RIMS4: variants seen among roughly 807,000 people sequenced by gnomAD.
The protein encoded by RIMS4 is regulating synaptic membrane exocytosis 4.
In RIMS4, 9 loss-of-function variants were observed where a neutral mutation model predicts 29.0. The ratio of observed to expected loss-of-function variants is 0.31; its 90% CI spans 0.19 to 0.54. The LOEUF (loss-of-function observed/expected upper bound fraction) is 0.54, where lower values mean the gene tolerates loss of function less well. Among genes scored for constraint, RIMS4 ranks in the 20% least tolerant of loss-of-function variants. The probability of loss-of-function intolerance (pLI) is 0.94; values close to 1 mark genes in which losing one functional copy is unlikely to be tolerated. For synonymous variants in RIMS4, 130 were observed against 152.9 expected (o/e 0.85, Z 1.10); for missense variants, 193 against 365.7 (o/e 0.53, Z 3.85).
At chr20:44,794,953 C>T (rs919764903) in intron 1 of RIMS4, among the ~76,000 whole-genome samples, 1 of 152,170 alleles carries the variant, frequency 6.6e-6, no homozygotes, top group African/African-American at 2.4e-5. Flanking sequence ...CACATCCCTG[C>T]TAAAAACCCA....
At chr20:44,789,445 C>T (rs754082677) in intron 1 of RIMS4, among the ~76,000 whole-genome samples, 5 of 152,272 alleles carry the variant, frequency 3.3e-5, no homozygotes, top group East Asian at 3.9e-4. Context: ...GGCAGGCACC[C>T]GCCACCACAC....
At chr20:44,794,286 C>T (rs1055229950) in intron 1 of RIMS4, among the ~76,000 whole-genome samples, 1 of 152,126 alleles carries the variant, frequency 6.6e-6, no homozygotes, top group African/African-American at 2.4e-5. Context: ...CTTTCTTCCC[C>T]AGCAAGGCTC....
intron 2 of RIMS4, among the ~76,000 whole-genome samples, chr20:44,770,483 G>A (rs925126049): frequency 4.6e-5 from 7 of 152,162 alleles, no homozygotes; most frequent in Admixed American, 1.3e-4. Context: ...GGGGGAAACT[G>A]GGCCCAATGC....
At chr20:44,796,527 C>T (rs1313400880) in intron 1 of RIMS4, among the ~76,000 whole-genome samples, 1 of 152,166 alleles carries the variant, frequency 6.6e-6, no homozygotes, top group Admixed American at 6.5e-5. Context: ...TCACACAGTC[C>T]CTGCCCTGCA....
intron 1 of RIMS4, among the ~76,000 whole-genome samples, chr20:44,774,020 A>AT (rs984803866): frequency 2.6e-5 from 4 of 151,936 alleles, no homozygotes; most frequent in African/African-American, 9.7e-5. Flanking sequence ...TTGTAGACTC[A>AT]TTTTTTTCCC....
intron 1 of RIMS4, 84 bp downstream of exon 1, chr20:44,810,091 G>GGA: frequency 1.4e-6 from 1 of 705,546 alleles, no homozygotes; most frequent in Non-Finnish European, 2.3e-6. Flanking sequence ...GGGGTGGGGA[G>GGA]GAGGGCGCAC....
chr20:44,791,611 G>A (rs1282532943), intron 1 of RIMS4, among the ~76,000 whole-genome samples: 2 of 152,162 alleles, frequency 1.3e-5, no homozygotes, highest in Non-Finnish European at 2.9e-5. Context: ...CACAAATGGC[G>A]ACTCTCCCAC....
At chr20:44,757,141 G>T in intron 4 of RIMS4, 104 bp from the exon 5 acceptor site, 1 of 1,305,878 alleles carries the variant, frequency 7.7e-7, no homozygotes, top group Non-Finnish European at 1.1e-6. Flanking sequence ...AGATAGGTGT[G>T]CCCCCATGGG....
At chr20:44,759,447 C>T (rs2066074918) in intron 2 of RIMS4, among the ~76,000 whole-genome samples, 1 of 152,034 alleles carries the variant, frequency 6.6e-6, no homozygotes, top group Admixed American at 6.6e-5. Context: ...TTAGTAGAGA[C>T]AGAGTTTCAT....
At chr20:44,783,692 C>A (rs576485985) in intron 1 of RIMS4, among the ~76,000 whole-genome samples, 1 of 151,720 alleles carries the variant, frequency 6.6e-6, no homozygotes, top group South Asian at 2.1e-4. Context: ...CATATATGAA[C>A]CTTGACATTA....
intron 2 of RIMS4, among the ~76,000 whole-genome samples, chr20:44,761,752 G>A (rs146860754): frequency 1.3e-5 from 2 of 152,380 alleles, no homozygotes; most frequent in East Asian, 3.8e-4. Context: ...TGCTCTGGAA[G>A]AAGCCAAACC....
chr20:44,767,213 C>T (rs764227203), intron 2 of RIMS4, among the ~76,000 whole-genome samples: 2 of 152,192 alleles, frequency 1.3e-5, no homozygotes, highest in African/African-American at 4.8e-5. Context: ...AACTAGAACA[C>T]ACGTCAATAG....
rs551106262 is a variant in RIMS4 at position 44,752,946 on chromosome 20, A to ACCCAGG, written c.*3182_*3187dup. ...TCTCCCTGGCAACCCTCTCCCCCAG[A>ACCCAGG]CCCAGGCCCAGAGAAGTCACTGGTT... On this transcript the variant is annotated 3_prime_UTR_variant, in exon 6 of 6. Transcript: ENST00000372851. 4.6e-3 allele frequency: 706 copies of ACCCAGG among 152,922 alleles called. 3 individuals are homozygous for ACCCAGG. Among genetic ancestry groups the ACCCAGG allele is most frequent in the Middle Eastern group, 0.017 (5 of 296 alleles). The allele number at this position is 152,922 out of a possible 1,614,324, so 9.5% of individuals were successfully genotyped here.
At chr20:44,791,348 G>C (rs2066231702) in intron 1 of RIMS4, among the ~76,000 whole-genome samples, 1 of 152,204 alleles carries the variant, frequency 6.6e-6, no homozygotes, top group African/African-American at 2.4e-5. Context: ...GAGGATGTTA[G>C]ACTCAAGGAA....
intron 1 of RIMS4, among the ~76,000 whole-genome samples, chr20:44,785,818 G>C (rs1247751370): frequency 6.8e-6 from 1 of 147,594 alleles, no homozygotes; most frequent in Non-Finnish European, 1.5e-5. Context: ...AGAATTCTTA[G>C]ACTGTGCCTG....
At chr20:44,771,237 A>G in intron 2 of RIMS4, 38 bp downstream of exon 2, 1 of 1,585,572 alleles carries the variant, frequency 6.3e-7, no homozygotes, top group Non-Finnish European at 8.6e-7. Flanking sequence ...ACCACAAAAG[A>G]CTGCAAGAAC....
intron 1 of RIMS4, among the ~76,000 whole-genome samples, chr20:44,809,712 G>A (rs1331136876): frequency 6.6e-6 from 1 of 152,098 alleles, no homozygotes; most frequent in South Asian, 2.1e-4. Flanking sequence ...AGGGGTCTTG[G>A]GCAGGGATCC....
At chr20:44,799,468 G>A (rs2066268716) in intron 1 of RIMS4, among the ~76,000 whole-genome samples, 1 of 152,180 alleles carries the variant, frequency 6.6e-6, no homozygotes, top group African/African-American at 2.4e-5. Context: ...GCTCGGCCAG[G>A]GCTTGGATGG....
chr20:44,756,347 G>A lies in RIMS4; in HGVS notation c.597C>T (p.Ile199=), dbSNP rs148015445. The change falls in exon 6 of 6, where the codon ATC becomes ATT. Residue 199 remains isoleucine, a synonymous_variant. Coordinates refer to ENST00000372851, the MANE Select transcript of RIMS4 (RefSeq NM_182970.4). The surrounding 1 kb of genome is among the most constrained non-coding windows in gnomAD (Gnocchi z 5.9). ...CCATCCGCCCGTAGTTCCCCCACAC[G>A]ATCACCTGTGGGGCAAGAGACACAG... ...ESPQGKVLQV[I]VWGNYGRMER... is the part of the protein sequence containing the mutation. 3.3e-4 allele frequency: 538 copies of A among 1,613,238 alleles called. 1 individual carries two copies. Among genetic ancestry groups the A allele is most frequent in the Non-Finnish European group, 4.4e-4 (524 of 1,179,702 alleles).
Sources: gnomAD v4.1 joint callset for allele counts (sites outside exome capture counted in the v4.1 genomes callset) on GRCh38, gnomAD v4.1.1 for gene constraint, Gnocchi (gnomAD v3.1) non-coding constraint, MANE v1.5 for transcripts, NCBI Gene and HGNC (gene_info 2026-07-23, HGNC 2026-07-21) for gene names.